CCNT2: variants seen among roughly 807,000 people sequenced by gnomAD.
The protein encoded by CCNT2 is cyclin T2.
CCNT2 carries 18 observed loss-of-function variants against 70.0 expected under a neutral mutation model. The observed-to-expected ratio is 0.26, with a 90% CI of 0.18 to 0.38. CCNT2 has a LOEUF of 0.38. Ranked by LOEUF, CCNT2 falls within the 10% of genes least tolerant of loss-of-function variation. CCNT2 has a pLI of 1.00. For synonymous variants in CCNT2, 334 were observed against 313.3 expected, an observed-to-expected ratio of 1.07 and a Z score of -0.70; for missense variants, 734 against 890.2, an observed-to-expected ratio of 0.82 and a Z score of 2.23.
At chr2:134,924,844 A>G (rs1442220784) in intron 2 of CCNT2, among the ~76,000 whole-genome samples, 2 of 152,182 alleles carry the variant, frequency 1.3e-5, no homozygotes, top group Admixed American at 1.3e-4. Context: ...AAAATTTGGT[A>G]AGTCTTTGAA....
intron 2 of CCNT2, among the ~76,000 whole-genome samples, chr2:134,924,433 T>C (rs1680131267): frequency 6.6e-6 from 1 of 152,086 alleles, no homozygotes; most frequent in Non-Finnish European, 1.5e-5. Context: ...ATCCCCTCCC[T>C]CCAAAAGTAA....
intron 6 of CCNT2, among the ~76,000 whole-genome samples, chr2:134,947,367 T>C (rs905208738): frequency 1.3e-5 from 2 of 152,170 alleles, no homozygotes; most frequent in Admixed American, 1.3e-4. Context: ...CATTTACATA[T>C]TTACCATGAC....
At chr2:134,942,877 T>A (rs1681674526) in intron 5 of CCNT2, 2 of 1,356,682 alleles carry the variant, frequency 1.5e-6, no homozygotes, top group Admixed American at 3.4e-5. Context: ...CCTTTAAACA[T>A]AGGTAAGAAT....
In CCNT2 at chr2:134,953,309, A is replaced by G. The variant is rs1272067110; in HGVS notation, c.854A>G (p.Asn285Ser). Residue 285 changes from asparagine to serine, a missense_variant, in exon 9 of 9, where the codon AAT becomes AGT. Asn to Ser is a conservative substitution (Grantham distance 46, BLOSUM62 1). Coordinates refer to ENST00000264157, the MANE Select transcript of CCNT2 (RefSeq NM_058241.3). Reference protein sequence around the residue: ...TPLLGSSLVQNSILVDSVTGV... With the variant: ...TPLLGSSLVQSSILVDSVTGV... ...CTTCTTGGTTCATCTTTGGTCCAGA[A>G]TTCCATTTTAGTAGATAGTGTCACT... 2 of 1,613,064 alleles carry G rather than the reference A, an allele frequency of 1.2e-6. No homozygotes were observed. The highest frequency in any genetic ancestry group is 1.7e-6 in the Non-Finnish European group (2 of 1,179,360).
chr2:134,933,797 T>C lies in CCNT2; in HGVS notation c.241-3044T>C, dbSNP rs999392029. On this transcript the variant is annotated intron_variant, in intron 2 of 8. Transcript: ENST00000264157. ...TTTTAAAAATTTTTCAACATAATAA[T>C]AATATTTGAGTCATATTACTAGGGA... is the stretch of plus-strand genomic sequence containing the variant. Among the ~76,000 whole-genome samples the C allele has an allele frequency of 3.3e-5, 5 of 152,208 alleles. No homozygotes were observed. The East Asian group carries it at 9.6e-4, about 29-fold the overall frequency.
At chr2:134,919,616 T>G in intron 1 of CCNT2, among the ~76,000 whole-genome samples, 194 bp from the exon 2 acceptor site, 1 of 152,196 alleles carries the variant, frequency 6.6e-6, no homozygotes, top group Non-Finnish European at 1.5e-5. Context: ...GCAGTTCTTA[T>G]TCCCATTTAT....
chr2:134,919,697 G>A (rs1380672587), intron 1 of CCNT2, 113 bp from the exon 2 acceptor site: 1 of 742,244 alleles, frequency 1.3e-6, no homozygotes, highest in African/African-American at 1.8e-5. Flanking sequence ...TTCCAGTTTG[G>A]GGTTTGGATT....
At chr2:134,939,591 G>A (rs781427242) in intron 4 of CCNT2, among the ~76,000 whole-genome samples, 2 of 151,828 alleles carry the variant, frequency 1.3e-5, no homozygotes, top group Non-Finnish European at 2.9e-5. Context: ...TCAGCCTCCC[G>A]AGTAGCTGGG....
chr2:134,935,703 A>G (rs1326840794), intron 2 of CCNT2, among the ~76,000 whole-genome samples: 1 of 152,060 alleles, frequency 6.6e-6, no homozygotes, highest in Non-Finnish European at 1.5e-5. Flanking sequence ...TTGATTTATT[A>G]TTAACTTTTG....
intron 3 of CCNT2, among the ~76,000 whole-genome samples, chr2:134,937,324 G>C (rs908044454): frequency 1.2e-4 from 18 of 152,168 alleles, no homozygotes; most frequent in African/African-American, 4.3e-4. Flanking sequence ...TCCTTAAATT[G>C]TCAACAGATG....
At chr2:134,920,013 G>T (rs1004330502) in intron 2 of CCNT2, 122 bp downstream of exon 2, 3 of 609,476 alleles carry the variant, frequency 4.9e-6, no homozygotes, top group Admixed American at 3.3e-5. Flanking sequence ...CGTATATCAC[G>T]TGATAAATAT....
At chr2:134,937,642 A>T (rs1443412547) in intron 3 of CCNT2, among the ~76,000 whole-genome samples, 2 of 152,190 alleles carry the variant, frequency 1.3e-5, no homozygotes, top group Non-Finnish European at 2.9e-5. Context: ...TCGGCCAGGC[A>T]CAGTGGCTCA....
chr2:134,927,434 G>GTCA (rs1438735744), intron 2 of CCNT2, among the ~76,000 whole-genome samples: 1 of 152,006 alleles, frequency 6.6e-6, no homozygotes, highest in Non-Finnish European at 1.5e-5. Flanking sequence ...TTTTTGTTGA[G>GTCA]TCATCGCATG....
intron 2 of CCNT2, among the ~76,000 whole-genome samples, chr2:134,929,610 A>AG (rs1680574465): frequency 1.6e-5 from 2 of 123,160 alleles, no homozygotes; most frequent in Admixed American, 8.8e-5. Context: ...CCTGTCTCAA[A>AG]AACAGAGAGA....
At chr2:134,933,318 T>C (rs900943681) in intron 2 of CCNT2, among the ~76,000 whole-genome samples, 1 of 152,256 alleles carries the variant, frequency 6.6e-6, no homozygotes, top group Non-Finnish European at 1.5e-5. Context: ...GAATGATTCA[T>C]TGAAACTGAA....
chr2:134,951,208 T>G (rs550175516), intron 7 of CCNT2, among the ~76,000 whole-genome samples: 2 of 152,206 alleles, frequency 1.3e-5, no homozygotes, highest in Non-Finnish European at 1.5e-5. Flanking sequence ...TTGTCTGAAG[T>G]GTCGATCTTA....
At chr2:134,942,888 C>T in intron 5 of CCNT2, 3 of 1,340,368 alleles carry the variant, frequency 2.2e-6, no homozygotes, top group Non-Finnish European at 2.9e-6. Flanking sequence ...AGGTAAGAAT[C>T]TCATTTCACT....
rs1412768436 is a variant in CCNT2 at position 134,959,247 on chromosome 2, T to TA, written c.*4603dup. 1 of 152,226 alleles carries TA rather than the reference T, an allele frequency of 6.6e-6. No homozygotes were observed. Among genetic ancestry groups the TA allele is most frequent in the African/African-American group, 2.4e-5 (1 of 41,466 alleles). 9.4% of individuals were successfully genotyped at this position (152,226 alleles called of 1,614,324 possible). A position where few individuals can be genotyped will look rare whatever the true frequency, so the allele number is the denominator to read the frequency against. On this transcript the variant is annotated 3_prime_UTR_variant, in exon 9 of 9. Coordinates refer to ENST00000264157, the MANE Select transcript of CCNT2 (RefSeq NM_058241.3). ...ACAGGATGTTTGCTAATAGAAAATC[T>TA]AAAACAGGAATATGTGTATATGGCA... is the stretch of plus-strand genomic sequence containing the variant.
At position 134,957,103 on chromosome 2, in the gene CCNT2, C is replaced by T. The variant is rs1052259797; in HGVS notation, c.*2455C>T. The T allele has an allele frequency of 8.5e-5, 13 of 152,422 alleles. No individual in the cohort carries two copies. Among genetic ancestry groups the T allele is most frequent in the African/African-American group, 2.9e-4 (12 of 41,434 alleles). The allele number at this position is 152,422 out of a possible 1,614,324, so 9.4% of individuals were successfully genotyped here. On this transcript the variant is annotated 3_prime_UTR_variant, in exon 9 of 9. Transcript: ENST00000264157. The stretch of plus-strand genomic sequence containing the variant: ...TAATGATGGGGATAAATATGGAAAT[C>T]CTTTTTAAGTTGTATTTCCATTAAA...
Sources: gnomAD v4.1 joint callset for allele counts (sites outside exome capture counted in the v4.1 genomes callset) on GRCh38, gnomAD v4.1.1 for gene constraint, MANE v1.5 for transcripts, NCBI Gene and HGNC (gene_info 2026-07-23, HGNC 2026-07-21) for gene names.